The following SLC24A2 variants were observed in gnomAD, a reference collection of about 807,000 sequenced individuals.
SLC24A2 encodes the protein solute carrier family 24 member 2, also known as sodium/potassium/calcium exchanger 2.
SLC24A2 carries 36 observed loss-of-function variants against 62.0 expected under a neutral mutation model. The ratio of observed to expected loss-of-function variants is 0.58; its 90% CI spans 0.44 to 0.77. SLC24A2 has a LOEUF of 0.77. Among genes scored for constraint, SLC24A2 ranks in the 30% least tolerant of loss-of-function variants. The pLI is 0.00. For synonymous variants in SLC24A2, 358 were observed against 294.0 expected (o/e 1.22, Z -2.23); for missense variants, 846 against 817.9 (o/e 1.03, Z -0.42).
rs957844562 is a variant in SLC24A2 at position 19,788,912 on chromosome 9, G to C, written c.-181C>G. The C allele has an allele frequency of 3.0e-6, 3 of 985,340 alleles. No individual in the cohort carries two copies. Among genetic ancestry groups the C allele is most frequent in the Non-Finnish European group, 3.6e-6 (3 of 829,880 alleles). The allele number at this position is 985,340 out of a possible 1,614,324, so 61.0% of individuals were successfully genotyped here. A position where few individuals can be genotyped will look rare whatever the true frequency, so the allele number is the denominator to read the frequency against. ...GGATAAGATGGGAGGACGCGCACAC[G>C]GCGGGGCCCCCGAGCGCGGCCCGCC... On this transcript the variant is annotated 5_prime_UTR_variant, in exon 1 of 11. Transcript: ENST00000341998.
chr9:20,130,933 T>G, the SLC24A2 span, among the ~76,000 whole-genome samples: 1 of 152,058 alleles, frequency 6.6e-6, no homozygotes, highest in Non-Finnish European at 1.5e-5. Flanking sequence ...CCAGCCTCAG[T>G]AACCTGTCCC....
chr9:19,675,717 G>A (rs565960132), intron 2 of SLC24A2, among the ~76,000 whole-genome samples: 6 of 152,044 alleles, frequency 3.9e-5, no homozygotes, highest in Admixed American at 6.6e-5. Flanking sequence ...CCCCACAAAA[G>A]CACCAAGTTT....
the SLC24A2 span, among the ~76,000 whole-genome samples, chr9:19,811,560 GC>G: frequency 6.6e-6 from 1 of 151,790 alleles, no homozygotes; most frequent in South Asian, 2.1e-4. Flanking sequence ...ATTTACCTCA[GC>G]CTTCCAAAGT....
At chr9:20,178,595 T>C in the SLC24A2 span, among the ~76,000 whole-genome samples, 2 of 152,078 alleles carry the variant, frequency 1.3e-5, no homozygotes, top group Non-Finnish European at 2.9e-5. Flanking sequence ...TCTGCTGCCA[T>C]CCTTTGTGAA....
chr9:19,795,367 A>C, the SLC24A2 span, among the ~76,000 whole-genome samples: 13 of 150,098 alleles, frequency 8.7e-5, no homozygotes, highest in African/African-American at 3.2e-4. Context: ...TAGTAACAAC[A>C]GTGACAGTTC....
the SLC24A2 span, among the ~76,000 whole-genome samples, chr9:20,286,290 G>A: frequency 6.6e-6 from 1 of 152,220 alleles, no homozygotes; most frequent in Non-Finnish European, 1.5e-5. Flanking sequence ...AACTACAGAA[G>A]AAAGCAGACC....
chr9:19,821,788 C>G, the SLC24A2 span, among the ~76,000 whole-genome samples: 1 of 152,076 alleles, frequency 6.6e-6, no homozygotes, highest in Non-Finnish European at 1.5e-5. Flanking sequence ...TTTGTAGATA[C>G]ATGTGTTGAA....
At chr9:20,273,793 C>T in the SLC24A2 span, among the ~76,000 whole-genome samples, 17 of 152,154 alleles carry the variant, frequency 1.1e-4, no homozygotes, top group Admixed American at 1.1e-3. Flanking sequence ...ACCTTACCCC[C>T]ATCTGTTCAA....
the SLC24A2 span, among the ~76,000 whole-genome samples, chr9:19,930,935 T>G: frequency 2.0e-5 from 3 of 152,312 alleles, no homozygotes; most frequent in East Asian, 5.8e-4. Context: ...CATCCCACAA[T>G]TGGTCAAGCA....
chr9:19,530,078 C>CTTT (rs11365952), intron 8 of SLC24A2, among the ~76,000 whole-genome samples: 39 of 124,904 alleles, frequency 3.1e-4, no homozygotes, highest in African/African-American at 1.0e-3. Context: ...ATAAAAGCAG[C>CTTT]TTTTTTTTTT....
the SLC24A2 span, chr9:19,896,076 C>T: frequency 1.2e-6 from 1 of 825,108 alleles, no homozygotes; most frequent in Admixed American, 2.4e-5. Flanking sequence ...ATCGAGGAGG[C>T]AGTGATGCCT....
intron 2 of SLC24A2, among the ~76,000 whole-genome samples, chr9:19,713,156 T>C (rs1820762023): frequency 1.3e-5 from 2 of 152,352 alleles, no homozygotes; most frequent in South Asian, 4.1e-4. Flanking sequence ...TTGCCTGCTT[T>C]ATTTACTGCT....
chr9:20,247,555 A>G, the SLC24A2 span, among the ~76,000 whole-genome samples: 3 of 152,174 alleles, frequency 2.0e-5, no homozygotes, highest in African/African-American at 7.2e-5. Flanking sequence ...TGAGAAGTCA[A>G]TTGTCTACCA....
the SLC24A2 span, among the ~76,000 whole-genome samples, chr9:20,287,639 C>A: frequency 2.0e-5 from 3 of 152,202 alleles, no homozygotes; most frequent in Non-Finnish European, 4.4e-5. Flanking sequence ...AGAAAATACA[C>A]AAAATACGTG....
intron 8 of SLC24A2, among the ~76,000 whole-genome samples, chr9:19,535,978 G>C (rs1168186735): frequency 8.0e-5 from 12 of 150,702 alleles, no homozygotes; most frequent in Non-Finnish European, 1.8e-4. Flanking sequence ...CCATGAGCAG[G>C]CATGTTGTTC....
intron 2 of SLC24A2, among the ~76,000 whole-genome samples, chr9:19,719,440 G>C (rs1219012284): frequency 6.6e-6 from 1 of 152,156 alleles, no homozygotes; most frequent in Non-Finnish European, 1.5e-5. Flanking sequence ...CTCTCAGAGA[G>C]GAGTTCTGCC....
intron 2 of SLC24A2, among the ~76,000 whole-genome samples, chr9:19,713,444 C>T (rs558246865): frequency 6.0e-4 from 91 of 152,076 alleles, no homozygotes; most frequent in African/African-American, 2.0e-3. Flanking sequence ...GCTTTGAATG[C>T]GAAAATAAAT....
chr9:19,705,855 A>G (rs1587186755), intron 2 of SLC24A2, among the ~76,000 whole-genome samples: 1 of 152,100 alleles, frequency 6.6e-6, no homozygotes, highest in East Asian at 1.9e-4. Flanking sequence ...ACTTCCAACT[A>G]TGTGGTCAAT....
At chr9:19,807,276 T>C in the SLC24A2 span, among the ~76,000 whole-genome samples, 1 of 152,226 alleles carries the variant, frequency 6.6e-6, no homozygotes, top group African/African-American at 2.4e-5. Flanking sequence ...AGGAAGGTGA[T>C]AGATTTGAAA....
Sources: gnomAD v4.1 joint callset for allele counts (sites outside exome capture counted in the v4.1 genomes callset) on GRCh38, gnomAD v4.1.1 for gene constraint, MANE v1.5 for transcripts, NCBI Gene and HGNC (gene_info 2026-07-23, HGNC 2026-07-21) for gene names.